The following CCDC171 variants were observed in gnomAD, a reference collection of about 807,000 sequenced individuals.
CCDC171 encodes coiled-coil domain-containing protein 171.
A neutral mutation model predicts 168.2 loss-of-function variants in CCDC171; 177 were observed. The ratio of observed to expected loss-of-function variants is 1.05; its 90% confidence interval spans 0.93 to 1.19. The LOEUF (loss-of-function observed/expected upper bound fraction) is 1.19. Among genes scored for constraint, CCDC171 ranks in the 50% most tolerant of loss-of-function variants. CCDC171 has a pLI of 0.00. For missense variants in CCDC171, 1,991 were observed against 1,539.0 expected, an observed-to-expected ratio of 1.29 and a Z score of -4.91; for synonymous variants, 687 against 540.8, an observed-to-expected ratio of 1.27 and a Z score of -3.75.
chr9:15,575,704 C>A (rs555303906), intron 3 of CCDC171, among the ~76,000 whole-genome samples: 111 of 152,302 alleles, frequency 7.3e-4, no homozygotes, highest in African/African-American at 2.4e-3. Flanking sequence ...AAAGGCTTGA[C>A]CCAGCCAGTC....
chr9:15,961,815 A>G (rs944286998), intron 25 of CCDC171, among the ~76,000 whole-genome samples: 1 of 152,148 alleles, frequency 6.6e-6, no homozygotes, highest in Non-Finnish European at 1.5e-5. Flanking sequence ...AATTTGGAAA[A>G]TACAAATCCT....
At chr9:15,983,817 A>AGAGTGTGT (rs368957982) in intron 3 of CCDC171, among the ~76,000 whole-genome samples, 2 of 142,532 alleles carry the variant, frequency 1.4e-5, no homozygotes, top group Admixed American at 1.4e-4. Flanking sequence ...AAATAAAGAG[A>AGAGTGTGT]GTGTGTGTGT....
chr9:15,792,551 A>G (rs1234377082), intron 21 of CCDC171, among the ~76,000 whole-genome samples: 1 of 152,196 alleles, frequency 6.6e-6, no homozygotes, highest in Non-Finnish European at 1.5e-5. Context: ...ATGAAGGAAA[A>G]AATGTTAAGG....
intron 24 of CCDC171, among the ~76,000 whole-genome samples, chr9:15,915,746 G>T (rs1433146418): frequency 6.6e-6 from 1 of 152,058 alleles, no homozygotes; most frequent in Non-Finnish European, 1.5e-5. Context: ...TTGGCTGTTG[G>T]TTTGTCATAT....
intron 23 of CCDC171, among the ~76,000 whole-genome samples, chr9:15,854,766 C>A (rs116426189): frequency 1.3e-5 from 2 of 151,258 alleles, no homozygotes; most frequent in African/African-American, 4.9e-5. Context: ...AAACTGCATC[C>A]CAGAAGTTTT....
chr9:16,075,246 C>T, the CCDC171 span, among the ~76,000 whole-genome samples: 1 of 152,138 alleles, frequency 6.6e-6, no homozygotes, highest in Non-Finnish European at 1.5e-5. Flanking sequence ...CACCCTAATT[C>T]GTTATTTGGC....
chr9:15,918,428 GA>G (rs35132712), intron 24 of CCDC171, among the ~76,000 whole-genome samples: 142 of 131,952 alleles, frequency 1.1e-3, no homozygotes, highest in East Asian at 6.0e-3. Context: ...GTAAGACTCA[GA>G]AAAAAAAAAA....
chr9:15,951,694 GCCC>G (rs1829200307), intron 25 of CCDC171, among the ~76,000 whole-genome samples: 1 of 151,920 alleles, frequency 6.6e-6, no homozygotes, highest in Non-Finnish European at 1.5e-5. Context: ...TAAGTCCTTT[GCCC>G]ATTTTTTAAA....
chr9:15,852,045 T>C (rs2061150907), intron 23 of CCDC171, among the ~76,000 whole-genome samples: 1 of 151,794 alleles, frequency 6.6e-6, no homozygotes, highest in Non-Finnish European at 1.5e-5. Flanking sequence ...GCTGTGAAAT[T>C]TTGTGTAAAA....
intron 18 of CCDC171, among the ~76,000 whole-genome samples, chr9:15,758,607 T>C (rs554559976): frequency 3.5e-4 from 53 of 152,080 alleles, no homozygotes; most frequent in Middle Eastern, 3.2e-3. Flanking sequence ...GGACATGAGA[T>C]GTGGGAGGGA....
At chr9:16,007,711 T>C (rs1001743493) in intron 3 of CCDC171, among the ~76,000 whole-genome samples, 1 of 152,236 alleles carries the variant, frequency 6.6e-6, no homozygotes, top group Non-Finnish European at 1.5e-5. Flanking sequence ...TTGCTTGTTT[T>C]TGTCAGGTTT....
At chr9:15,694,440 G>C (rs1483657313) in intron 10 of CCDC171, among the ~76,000 whole-genome samples, 1 of 151,942 alleles carries the variant, frequency 6.6e-6, no homozygotes, top group African/African-American at 2.4e-5. Context: ...ATCTCTAGTG[G>C]AATATGATTA....
chr9:15,681,156 G>C (rs1212696230), intron 10 of CCDC171, among the ~76,000 whole-genome samples: 2 of 152,078 alleles, frequency 1.3e-5, no homozygotes. Context: ...TGCACTCGTT[G>C]TATTCATTGT....
chr9:15,953,309 G>A (rs762961631), intron 25 of CCDC171, among the ~76,000 whole-genome samples: 6 of 152,204 alleles, frequency 3.9e-5, no homozygotes, highest in Non-Finnish European at 8.8e-5. Context: ...TATATGCTCC[G>A]GGCCTTTCAT....
intron 21 of CCDC171, among the ~76,000 whole-genome samples, chr9:15,831,998 T>C (rs919617359): frequency 1.3e-5 from 2 of 152,084 alleles, no homozygotes; most frequent in African/African-American, 4.8e-5. Flanking sequence ...GCATCTTACT[T>C]TTTTGTCTTT....
intron 24 of CCDC171, among the ~76,000 whole-genome samples, chr9:15,880,140 T>G (rs1818423707): frequency 1.3e-5 from 2 of 152,194 alleles, no homozygotes; most frequent in South Asian, 4.1e-4. Context: ...ATACATTTTG[T>G]GGCAGCTGCT....
intron 25 of CCDC171, among the ~76,000 whole-genome samples, chr9:15,954,722 A>T (rs1332210483): frequency 7.4e-5 from 11 of 148,932 alleles, no homozygotes. Context: ...TGAATTTTTC[A>T]TTTCAGTCAT....
chr9:15,563,414 A>C (rs1321404092), intron 1 of CCDC171, among the ~76,000 whole-genome samples: 1 of 152,128 alleles, frequency 6.6e-6, no homozygotes, highest in Non-Finnish European at 1.5e-5. Flanking sequence ...CTGGGATTAC[A>C]GTCGTGAGCC....
Position 15,666,198 on chromosome 9 carries a change from A to G in CCDC171, c.951A>G (p.Val317=), listed in dbSNP as rs779130651. ...RIRDLEGALQ[V]EKASQAEAVA... is the part of the protein sequence containing the mutation. Reference sequence around the variant, plus strand: ...GAGACCTTGAAGGAGCTTTGCAAGTAGAGAAGGCCAGTCAAGCAGAAGCTG... The same window carrying G: ...GAGACCTTGAAGGAGCTTTGCAAGTGGAGAAGGCCAGTCAAGCAGAAGCTG... The change falls in exon 9 of 26, where the codon GTA becomes GTG. Residue 317 remains valine (V), a synonymous_variant. Coordinates refer to ENST00000380701, the MANE Select transcript of CCDC171 (RefSeq NM_173550.4). The G allele has an allele frequency of 6.8e-6, 11 of 1,613,866 alleles. No individual in the cohort carries two copies. The South Asian group carries it at 1.2e-4, about 18-fold the overall frequency.
Sources: gnomAD v4.1 joint callset for allele counts (sites outside exome capture counted in the v4.1 genomes callset) on GRCh38, gnomAD v4.1.1 for gene constraint, MANE v1.5 for transcripts, NCBI Gene and HGNC (gene_info 2026-07-23, HGNC 2026-07-21) for gene names.